Variants in OSBPL1A observed in about 807,000 individuals in gnomAD.
OSBPL1A encodes the protein oxysterol binding protein like 1A.
Under a neutral mutation model 137.1 loss-of-function variants are expected in OSBPL1A, and 80 were observed. The observed-to-expected ratio is 0.58, with a 90% CI of 0.49 to 0.70. The LOEUF (loss-of-function observed/expected upper bound fraction) is 0.70, where lower values mean the gene tolerates loss of function less well. Ranked by LOEUF, OSBPL1A falls within the 30% of genes least tolerant of loss-of-function variation. OSBPL1A has a pLI of 0.00. For synonymous variants in OSBPL1A, 365 were observed against 389.7 expected, an observed-to-expected ratio of 0.94 and a Z score of 0.75; for missense variants, 970 against 1,129.4, an observed-to-expected ratio of 0.86 and a Z score of 2.02.
rs1233264916 is a variant in OSBPL1A, at chr18:24,250,174, G to GTTTTTT, written c.1282-10793_1282-10792insAAAAAA. Among the ~76,000 whole-genome samples the GTTTTTT allele has an allele frequency of 3.7e-3, 277 of 75,232 alleles. 34 individuals are homozygous for GTTTTTT. Among genetic ancestry groups the GTTTTTT allele is most frequent in the Non-Finnish European group, 4.3e-3 (167 of 38,796 alleles). 49.4% of individuals were successfully genotyped at this position (75,232 alleles called of 152,430 possible). On this transcript the variant is annotated intron_variant, in intron 15 of 27. Coordinates refer to ENST00000319481, the MANE Select transcript of OSBPL1A (RefSeq NM_080597.4). Reference sequence around the variant, plus strand: ...TGTGTTTTTGTTTGTTTGTTTGTTTGTTTGTTTGTTTGTTTTTTTTGACAT... The same window carrying GTTTTTT: ...TGTGTTTTTGTTTGTTTGTTTGTTTGTTTTTTTTTGTTTGTTTGTTTTTTTTGACAT...
At chr18:24,173,140 C>T (rs1368527887) in intron 21 of OSBPL1A, among the ~76,000 whole-genome samples, 11 of 152,098 alleles carry the variant, frequency 7.2e-5, no homozygotes, top group Admixed American at 5.9e-4. Context: ...AGCAAACTAA[C>T]GCAGGAACAG....
intron 24 of OSBPL1A, 116 bp downstream of exon 24, chr18:24,170,211 T>C (rs1352908137): frequency 8.2e-7 from 1 of 1,226,154 alleles, no homozygotes; most frequent in Non-Finnish European, 1.1e-6. Context: ...TGACATGCAT[T>C]AGCAACAAGG....
At chr18:24,380,248 G>C (rs1285652218) in intron 1 of OSBPL1A, among the ~76,000 whole-genome samples, 1 of 152,158 alleles carries the variant, frequency 6.6e-6, no homozygotes, top group African/African-American at 2.4e-5. Context: ...CAGGGGTGTA[G>C]CTCACCAAAA....
chr18:24,282,699 T>C (rs2146076374), intron 14 of OSBPL1A, among the ~76,000 whole-genome samples: 1 of 152,326 alleles, frequency 6.6e-6, no homozygotes, highest in South Asian at 2.1e-4. Flanking sequence ...TAATTAGACG[T>C]TAAGATCCTT....
chr18:24,386,865 A>G (rs1489892420), intron 1 of OSBPL1A, among the ~76,000 whole-genome samples: 1 of 152,082 alleles, frequency 6.6e-6, no homozygotes, highest in Non-Finnish European at 1.5e-5. Context: ...GCCGAGGTGG[A>G]AAGATTGCTT....
intron 7 of OSBPL1A, among the ~76,000 whole-genome samples, chr18:24,327,891 A>G (rs972739667): frequency 4.6e-5 from 7 of 151,876 alleles, no homozygotes; most frequent in African/African-American, 1.5e-4. Flanking sequence ...TTCCATTTAG[A>G]CTGGTATTTG....
chr18:24,250,417 C>T (rs986389409), intron 15 of OSBPL1A, among the ~76,000 whole-genome samples: 2 of 152,182 alleles, frequency 1.3e-5, no homozygotes, highest in African/African-American at 4.8e-5. Context: ...CTCATGTGAT[C>T]CACCCGCCTC....
chr18:24,277,182 C>G (rs1030268659), intron 15 of OSBPL1A, among the ~76,000 whole-genome samples: 8 of 151,898 alleles, frequency 5.3e-5, no homozygotes, highest in African/African-American at 1.9e-4. Flanking sequence ...AAACATTATC[C>G]CCTGAGGGCA....
chr18:24,308,422 G>A (rs1404858194), intron 13 of OSBPL1A, among the ~76,000 whole-genome samples: 2 of 150,912 alleles, frequency 1.3e-5, no homozygotes, highest in African/African-American at 4.9e-5. Flanking sequence ...GATTCGCCAT[G>A]TTGCCCAGGA....
intron 18 of OSBPL1A, among the ~76,000 whole-genome samples, chr18:24,186,839 G>A (rs776957479): frequency 6.7e-6 from 1 of 149,512 alleles, no homozygotes; most frequent in African/African-American, 2.5e-5. Context: ...GGGAGGCAGA[G>A]GTTGCAGTGA....
chr18:24,337,445 C>T (rs911312241), intron 5 of OSBPL1A, among the ~76,000 whole-genome samples: 1 of 110,716 alleles, frequency 9.0e-6, no homozygotes, highest in Non-Finnish European at 2.0e-5. Context: ...GTGGTGCATG[C>T]CTATAGTCCT....
chr18:24,218,485 C>G (rs1421384657), intron 17 of OSBPL1A: 1 of 152,166 alleles, frequency 6.6e-6, no homozygotes, highest in Non-Finnish European at 1.5e-5. Context: ...GCTCCGTCAC[C>G]CAGGCTGGAG....
intron 1 of OSBPL1A, among the ~76,000 whole-genome samples, chr18:24,382,215 A>G (rs376076435): frequency 7.5e-5 from 11 of 146,286 alleles, no homozygotes; most frequent in African/African-American, 2.8e-4. Flanking sequence ...CCTGGCCAAC[A>G]TGGTGAAAAC....
At chr18:24,358,345 G>A in intron 4 of OSBPL1A, 2 of 640,720 alleles carry the variant, frequency 3.1e-6, no homozygotes, top group Non-Finnish European at 2.8e-6. Context: ...CCTCTGCAAA[G>A]CTTCGCACAC....
intron 14 of OSBPL1A, among the ~76,000 whole-genome samples, chr18:24,294,385 C>G (rs1254151845): frequency 1.3e-5 from 2 of 152,084 alleles, no homozygotes; most frequent in African/African-American, 4.8e-5. Context: ...GTACCCGCCA[C>G]CAGGCCCAGC....
At chr18:24,175,039 A>C (rs1418472106) in intron 21 of OSBPL1A, among the ~76,000 whole-genome samples, 1 of 147,050 alleles carries the variant, frequency 6.8e-6, no homozygotes, top group African/African-American at 2.6e-5. Context: ...TCAGCCTCCT[A>C]AGTAACTGGA....
intron 24 of OSBPL1A, 82 bp downstream of exon 24, chr18:24,170,245 C>T: frequency 6.6e-7 from 1 of 1,511,564 alleles, no homozygotes; most frequent in Non-Finnish European, 9.0e-7. Flanking sequence ...AACTGTGACC[C>T]TAGAACAGGC....
At position 24,188,128 on chromosome 18, in the gene OSBPL1A, T is replaced by C. The variant is rs531397385; in HGVS notation, c.1678-6849A>G. The stretch of plus-strand genomic sequence containing the variant: ...TATCACATACTCATTGAGGAAGGAA[T>C]AGATGGACCAGGGATGACATTTTAG... On this transcript the variant is annotated intron_variant, in intron 18 of 27. Coordinates refer to ENST00000319481, the MANE Select transcript of OSBPL1A (RefSeq NM_080597.4). 8.5e-4 allele frequency among the ~76,000 whole-genome samples: 129 copies of C among 152,352 alleles called. 1 individual carries two copies. Among genetic ancestry groups the C allele is most frequent in the African/African-American group, 2.9e-3 (122 of 41,594 alleles).
intron 14 of OSBPL1A, among the ~76,000 whole-genome samples, chr18:24,294,193 A>G (rs1010197330): frequency 1.3e-5 from 2 of 151,372 alleles, no homozygotes; most frequent in East Asian, 3.9e-4. Context: ...TCACCTGAGC[A>G]GTGTACACTA....
Sources: allele counts gnomAD v4.1 joint callset (sites outside exome capture counted in the v4.1 genomes callset), GRCh38; gene constraint gnomAD v4.1.1; transcripts MANE v1.5; gene names NCBI Gene and HGNC (gene_info 2026-07-23, HGNC 2026-07-21).